HCRTR2: variants seen among roughly 807,000 people sequenced by gnomAD.
HCRTR2 encodes hypocretin receptor 2.
Under a neutral mutation model 49.0 loss-of-function variants are expected in HCRTR2, and 22 were observed. The observed-to-expected ratio is 0.45, with a 90% CI of 0.32 to 0.64. The LOEUF is 0.64. Among genes scored for constraint, HCRTR2 ranks in the 30% least tolerant of loss-of-function variants. HCRTR2 has a pLI of 0.04. For synonymous variants in HCRTR2, 236 were observed against 205.3 expected (o/e 1.15, Z -1.28); for missense variants, 491 against 559.4 (o/e 0.88, Z 1.23).
chr6:55,269,103 A>AG (rs1766921113), intron 4 of HCRTR2, among the ~76,000 whole-genome samples: 1 of 151,064 alleles, frequency 6.6e-6, no homozygotes, highest in African/African-American at 2.4e-5. Flanking sequence ...AAAAAAAAAA[A>AG]AAAGAAATAA....
chr6:55,210,568 G>A (rs148647026), intron 1 of HCRTR2, among the ~76,000 whole-genome samples: 60 of 152,216 alleles, frequency 3.9e-4, no homozygotes, highest in African/African-American at 1.4e-3. Flanking sequence ...GAGAAACCCA[G>A]TCCACAGGGA....
At chr6:55,238,046 A>C (rs1200970362) in intron 1 of HCRTR2, among the ~76,000 whole-genome samples, 1 of 152,180 alleles carries the variant, frequency 6.6e-6, no homozygotes, top group Non-Finnish European at 1.5e-5. Context: ...TATCCCCTGG[A>C]GTATAGAACC....
upstream of HCRTR2, among the ~76,000 whole-genome samples, chr6:55,171,216 T>A (rs944269660): frequency 2.0e-5 from 3 of 152,326 alleles, no homozygotes; most frequent in Admixed American, 2.0e-4. Context: ...AAAGTGTTCC[T>A]ATTTCTCCAC....
intron 1 of HCRTR2, among the ~76,000 whole-genome samples, chr6:55,164,602 C>T (rs1764850163): frequency 6.6e-6 from 1 of 152,122 alleles, no homozygotes; most frequent in South Asian, 2.1e-4. Context: ...GGGAGGGGAA[C>T]ATCACACACC....
intron 1 of HCRTR2, among the ~76,000 whole-genome samples, chr6:55,237,674 T>C (rs562134473): frequency 6.6e-6 from 1 of 152,346 alleles, no homozygotes; most frequent in East Asian, 1.9e-4. Context: ...GCCTTTGATG[T>C]CCCTTCTGCC....
In HCRTR2 at chr6:55,180,803, T is replaced by A. The variant is rs1027923283; in HGVS notation, c.223+5993T>A. On this transcript the variant is annotated intron_variant, in intron 1 of 6. Transcript: ENST00000370862. ...TTTTATTAAATAGATGAACTTTTTT[T>A]AATTTTTTTTTTTTGAGATGGAGTC... Among the ~76,000 whole-genome samples, 28 of 151,860 alleles carry A rather than the reference T, an allele frequency of 1.8e-4. 1 individual carries two copies. Among genetic ancestry groups the A allele is most frequent in the Admixed American group, 3.9e-4 (6 of 15,254 alleles).
At chr6:55,142,315 G>A (rs1216222071) in intron 1 of HCRTR2, among the ~76,000 whole-genome samples, 1 of 151,212 alleles carries the variant, frequency 6.6e-6, no homozygotes, top group Admixed American at 6.6e-5. Flanking sequence ...TCCTGCCTCA[G>A]CCTCCCGAGT....
chr6:55,150,763 C>G (rs1283015915), intron 1 of HCRTR2, among the ~76,000 whole-genome samples: 1 of 151,904 alleles, frequency 6.6e-6, no homozygotes, highest in Non-Finnish European at 1.5e-5. Flanking sequence ...TGCTTCCATG[C>G]TTTTGATATT....
At chr6:55,243,622 A>G (rs563809120) in intron 1 of HCRTR2, among the ~76,000 whole-genome samples, 41 of 152,286 alleles carry the variant, frequency 2.7e-4, no homozygotes, top group Non-Finnish European at 5.3e-4. Flanking sequence ...GCAACATACT[A>G]TAAGTTTATG....
Position 55,267,000 on chromosome 6 carries a change from C to A in HCRTR2, c.762+3178C>A, listed in dbSNP as rs900338079. On this transcript the variant is annotated intron_variant, in intron 4 of 6. Coordinates refer to ENST00000370862, the MANE Select transcript of HCRTR2 (RefSeq NM_001384272.1). ...GAAGATTTGCAGTAAAATGCTTGGG[C>A]TGTGAAACTAAAGTCATTTACAAAA... is the stretch of plus-strand genomic sequence containing the variant. 3.9e-4 allele frequency among the ~76,000 whole-genome samples: 59 copies of A among 152,110 alleles called. 2 individuals are homozygous for A. The highest frequency in any genetic ancestry group is 3.8e-3 in the Admixed American group (58 of 15,264).
chr6:55,117,854 C>A (rs1190954998), intron 1 of HCRTR2, among the ~76,000 whole-genome samples: 2 of 142,994 alleles, frequency 1.4e-5, no homozygotes, highest in African/African-American at 4.9e-5. Context: ...TTTTTACTTC[C>A]CTCCACAGAC....
chr6:55,209,456 T>C (rs1765659492), intron 1 of HCRTR2, among the ~76,000 whole-genome samples: 1 of 152,138 alleles, frequency 6.6e-6, no homozygotes, highest in Non-Finnish European at 1.5e-5. Context: ...TAAGCTGATC[T>C]CAGAAACTTT....
chr6:55,284,233 G>A (rs1034843676), downstream of HCRTR2, among the ~76,000 whole-genome samples: 1 of 152,074 alleles, frequency 6.6e-6, no homozygotes, highest in African/African-American at 2.4e-5. Flanking sequence ...GAGATTGAGA[G>A]GGAAAGGGGG....
In HCRTR2 at chr6:55,113,529, A is replaced by G. The variant is rs147726366; in HGVS notation, c.-378+6984A>G. Reference sequence around the variant, plus strand: ...AAATGGCCAATAAACATTTGAAAAAATGCTCAACATCACTAATTATCAGGA... The same window carrying G: ...AAATGGCCAATAAACATTTGAAAAAGTGCTCAACATCACTAATTATCAGGA... On this transcript the variant is annotated intron_variant, in intron 1 of 7. Coordinates refer to the HCRTR2 transcript ENST00000615358. 3.5e-3 allele frequency among the ~76,000 whole-genome samples: 526 copies of G among 152,232 alleles called. 7 individuals are homozygous for G. The highest frequency in any genetic ancestry group is 0.012 in the African/African-American group (499 of 41,564).
intron 1 of HCRTR2, among the ~76,000 whole-genome samples, chr6:55,231,678 G>A (rs911084535): frequency 6.6e-6 from 1 of 152,084 alleles, no homozygotes; most frequent in South Asian, 2.1e-4. Flanking sequence ...TGACTTACTT[G>A]TTAAAGAGAA....
At chr6:55,267,730 T>C (rs1766889541) in intron 4 of HCRTR2, among the ~76,000 whole-genome samples, 1 of 152,144 alleles carries the variant, frequency 6.6e-6, no homozygotes, top group African/African-American at 2.4e-5. Context: ...TCCCAGCTCT[T>C]ATCACAAAGT....
chr6:55,226,715 T>G (rs1414775069), intron 1 of HCRTR2, among the ~76,000 whole-genome samples: 2 of 129,602 alleles, frequency 1.5e-5, no homozygotes, highest in Non-Finnish European at 3.2e-5. Context: ...CCAGGTGTTT[T>G]TTTTTTTTTT....
chr6:55,280,594 G>A, intron 6 of HCRTR2, 150 bp downstream of exon 6: 1 of 1,042,818 alleles, frequency 9.6e-7, no homozygotes, highest in Non-Finnish European at 1.4e-6. Flanking sequence ...CTCTTTTGAG[G>A]CAAAGTATTT....
At chr6:55,150,971 C>G (rs1223970452) in intron 1 of HCRTR2, among the ~76,000 whole-genome samples, 1 of 151,920 alleles carries the variant, frequency 6.6e-6, no homozygotes, top group East Asian at 1.9e-4. Context: ...ATGTTTATAC[C>G]ATACTGTAGT....
Sources: gnomAD v4.1 joint callset for allele counts (sites outside exome capture counted in the v4.1 genomes callset) on GRCh38, gnomAD v4.1.1 for gene constraint, MANE v1.5 for transcripts, NCBI Gene and HGNC (gene_info 2026-07-23, HGNC 2026-07-21) for gene names.